The following ESRRG variants were observed in gnomAD, a reference collection of about 807,000 sequenced individuals.
The protein encoded by ESRRG is estrogen related receptor gamma.
ESRRG carries 13 observed loss-of-function variants against 44.0 expected under a neutral mutation model. That is an observed-to-expected ratio of 0.30 (90% confidence interval 0.19 to 0.47). ESRRG has a LOEUF of 0.47. Ranked by LOEUF, ESRRG falls within the 20% of genes least tolerant of loss-of-function variation. The pLI, the probability that ESRRG is intolerant of heterozygous loss-of-function variation, is 1.00. For missense variants in ESRRG, 395 were observed against 580.6 expected (o/e 0.68, Z 3.29); for synonymous variants, 215 against 214.6 (o/e 1.00, Z -0.02).
At chr1:217,062,067 T>G (rs1282703025) in intron 1 of ESRRG, among the ~76,000 whole-genome samples, 2 of 152,184 alleles carry the variant, frequency 1.3e-5, no homozygotes, top group Non-Finnish European at 2.9e-5. Context: ...AGCCCAGCAC[T>G]GCCTTGTTTA....
chr1:216,886,612 G>A (rs1213457414), intron 2 of ESRRG, among the ~76,000 whole-genome samples: 1 of 152,162 alleles, frequency 6.6e-6, no homozygotes, highest in East Asian at 1.9e-4. Context: ...CCTTCAAGAA[G>A]TCATTTAACA....
Position 216,743,004 on chromosome 1 carries a change from T to C in ESRRG, c.-13-65513A>G, listed in dbSNP as rs116028712. Among the ~76,000 whole-genome samples the C allele has an allele frequency of 5.2e-3, 795 of 152,262 alleles. 5 individuals are homozygous for C. Among genetic ancestry groups the C allele is most frequent in the African/African-American group, 0.018 (747 of 41,558 alleles). Reference sequence around the variant, plus strand: ...TTGCTTCAGTTGTTAAAGATGAAATTATTAACTCCAACAAAGTATGGAGCC... The same window carrying C: ...TTGCTTCAGTTGTTAAAGATGAAATCATTAACTCCAACAAAGTATGGAGCC... On this transcript the variant is annotated intron_variant, in intron 2 of 7. Coordinates refer to the ESRRG transcript ENST00000359162.
chr1:216,945,793 G>A (rs1362650798), intron 1 of ESRRG, among the ~76,000 whole-genome samples: 6 of 152,214 alleles, frequency 3.9e-5, no homozygotes, highest in Admixed American at 3.3e-4. Context: ...CTTGGCTGCT[G>A]TATTTCAGTC....
chr1:217,034,703 G>C (rs548189382), intron 1 of ESRRG, among the ~76,000 whole-genome samples: 6 of 152,158 alleles, frequency 3.9e-5, no homozygotes, highest in Non-Finnish European at 5.9e-5. Flanking sequence ...GGAGCAGGTA[G>C]GGCAGCGTTG....
intron 2 of ESRRG, among the ~76,000 whole-genome samples, chr1:216,856,279 G>A (rs2095936641): frequency 1.3e-5 from 2 of 151,740 alleles, no homozygotes; most frequent in Non-Finnish European, 2.9e-5. Flanking sequence ...TTCCTGGAAA[G>A]CATGCTCCTT....
intron 3 of ESRRG, among the ~76,000 whole-genome samples, chr1:216,632,707 G>A (rs1019621404): frequency 2.0e-5 from 3 of 151,906 alleles, no homozygotes; most frequent in Admixed American, 2.0e-4. Flanking sequence ...TTATTGAAGA[G>A]TTTTTAGGTT....
At chr1:217,054,339 G>A (rs548673547) in intron 1 of ESRRG, among the ~76,000 whole-genome samples, 143 of 152,296 alleles carry the variant, frequency 9.4e-4, no homozygotes, top group African/African-American at 3.3e-3. Context: ...CTCCAAGTAA[G>A]AGGCACATTT....
At position 216,794,082 on chromosome 1, in the gene ESRRG, A is replaced by C. The variant is rs1002677305; in HGVS notation, c.-13-116591T>G. Among the ~76,000 whole-genome samples, 3 of 152,130 alleles carry C rather than the reference A, an allele frequency of 2.0e-5. No individual in the cohort carries two copies. The East Asian group carries it at 5.8e-4, about 29-fold the overall frequency. ...TAAATGCTCCTACCATTAAGAGTTC[A>C]ATATAAATTTACAATGAGCCTCACT... On this transcript the variant is annotated intron_variant, in intron 2 of 7. Transcript: ENST00000359162.
chr1:216,987,162 T>C (rs2075008769), intron 1 of ESRRG, among the ~76,000 whole-genome samples: 1 of 152,246 alleles, frequency 6.6e-6, no homozygotes, highest in Non-Finnish European at 1.5e-5. Flanking sequence ...TAAGCTTTGT[T>C]ACATTTAAAA....
intron 2 of ESRRG, among the ~76,000 whole-genome samples, chr1:216,806,958 G>T (rs1411058295): frequency 6.6e-6 from 1 of 152,154 alleles, no homozygotes; most frequent in Non-Finnish European, 1.5e-5. Context: ...TATCTGTGAG[G>T]CCAGGGCTCT....
At chr1:216,959,955 C>T (rs1358190040) in intron 1 of ESRRG, among the ~76,000 whole-genome samples, 2 of 152,072 alleles carry the variant, frequency 1.3e-5, no homozygotes, top group Non-Finnish European at 2.9e-5. Flanking sequence ...TCCCACTTTA[C>T]AGATAAGAAC....
chr1:216,831,482 G>C (rs1342213470), intron 2 of ESRRG, among the ~76,000 whole-genome samples: 1 of 150,474 alleles, frequency 6.6e-6, no homozygotes, highest in African/African-American at 2.5e-5. Context: ...CATTCAACGG[G>C]GGGAGGAAAG....
intron 1 of ESRRG, among the ~76,000 whole-genome samples, chr1:216,942,283 T>C (rs1218922767): frequency 6.6e-6 from 1 of 152,214 alleles, no homozygotes; most frequent in Non-Finnish European, 1.5e-5. Context: ...CCATATTCTA[T>C]AGGTACCACA....
chr1:216,506,446 G>GAGGAA lies in ESRRG; in HGVS notation c.*488_*492dup, dbSNP rs1382228401. 4 of 327,640 alleles carry GAGGAA rather than the reference G, an allele frequency of 1.2e-5. No homozygotes were observed. The East Asian group carries it at 2.4e-4, about 20-fold the overall frequency. The allele number at this position is 327,640 out of a possible 1,614,324, so 20.3% of individuals were successfully genotyped here. On this transcript the variant is annotated 3_prime_UTR_variant, in exon 7 of 7. Transcript: ENST00000408911. The stretch of plus-strand genomic sequence containing the variant: ...AAAAGAAAGATGGAAAGAAGGTCAA[G>GAGGAA]AGGAAAGGAAAGGAAAGGGAAAAGG...
chr1:216,618,030 T>G (rs918620291), intron 3 of ESRRG, among the ~76,000 whole-genome samples: 1 of 152,180 alleles, frequency 6.6e-6, no homozygotes, highest in African/African-American at 2.4e-5. Context: ...AACATACAAA[T>G]TATATTTAAC....
At chr1:216,789,650 T>G (rs1017989799) in intron 2 of ESRRG, among the ~76,000 whole-genome samples, 1 of 152,138 alleles carries the variant, frequency 6.6e-6, no homozygotes, top group Non-Finnish European at 1.5e-5. Context: ...AATCTAATAT[T>G]TTCATTTCAC....
intron 3 of ESRRG, among the ~76,000 whole-genome samples, chr1:216,613,155 G>A (rs1440257855): frequency 6.6e-6 from 1 of 152,126 alleles, no homozygotes; most frequent in Non-Finnish European, 1.5e-5. Context: ...TCCAGAAATG[G>A]ATTCTTCTTC....
chr1:216,625,165 C>G (rs1334660581), intron 3 of ESRRG, among the ~76,000 whole-genome samples: 1 of 152,124 alleles, frequency 6.6e-6, no homozygotes, highest in Admixed American at 6.5e-5. Flanking sequence ...CCCCTTTCAT[C>G]TAATTCTACT....
intron 1 of ESRRG, among the ~76,000 whole-genome samples, chr1:216,715,930 A>G (rs2152017281): frequency 6.6e-6 from 1 of 152,216 alleles, no homozygotes; most frequent in African/African-American, 2.4e-5. Context: ...GTGATCATGG[A>G]AAAAAAGAAT....
Sources: allele counts gnomAD v4.1 joint callset (sites outside exome capture counted in the v4.1 genomes callset), GRCh38; gene constraint gnomAD v4.1.1; transcripts MANE v1.5; gene names NCBI Gene and HGNC (gene_info 2026-07-23, HGNC 2026-07-21).